The following GRID1 variants were observed in gnomAD, a reference collection of about 807,000 sequenced individuals.
GRID1 encodes glutamate receptor ionotropic, delta-1.
In GRID1, 28 loss-of-function variants were observed where a neutral mutation model predicts 98.0. That is an observed-to-expected ratio of 0.29 (90% CI 0.21 to 0.39). GRID1 has a LOEUF of 0.39. GRID1 is among the 10% of genes least tolerant of loss of function. GRID1 has a pLI of 1.00. For missense variants in GRID1, 1,111 were observed against 1,340.5 expected (o/e 0.83, Z 2.67); for synonymous variants, 553 against 538.5 (o/e 1.03, Z -0.37).
intron 5 of GRID1, among the ~76,000 whole-genome samples, chr10:85,876,824 G>A (rs1723114813): frequency 6.6e-6 from 1 of 152,244 alleles, no homozygotes; most frequent in Non-Finnish European, 1.5e-5. Flanking sequence ...ACTCGGAAGT[G>A]CAAGGGGTCA....
At chr10:85,713,816 A>G (rs1841608238) in intron 12 of GRID1, among the ~76,000 whole-genome samples, 1 of 151,926 alleles carries the variant, frequency 6.6e-6, no homozygotes, top group Non-Finnish European at 1.5e-5. Context: ...TCATGATAAA[A>G]ATTTTCAGCA....
intron 8 of GRID1, among the ~76,000 whole-genome samples, chr10:85,753,705 G>C (rs1348584191): frequency 6.6e-6 from 1 of 152,184 alleles, no homozygotes; most frequent in Admixed American, 6.5e-5. Flanking sequence ...TGTCCTGATA[G>C]GTGTAGGGCA....
intron 2 of GRID1, among the ~76,000 whole-genome samples, chr10:86,309,044 G>A (rs576730390): frequency 4.2e-4 from 64 of 152,302 alleles, no homozygotes; most frequent in African/African-American, 1.3e-3. Flanking sequence ...AGTAATTTAT[G>A]TTTGGATATA....
At chr10:86,012,429 G>GTC (rs1363480524) in intron 4 of GRID1, among the ~76,000 whole-genome samples, 2 of 152,194 alleles carry the variant, frequency 1.3e-5, no homozygotes, top group African/African-American at 2.4e-5. Context: ...CCCATGGAGA[G>GTC]AGCTGGCAGA....
At chr10:85,865,910 T>TAC (rs1202278414) in intron 6 of GRID1, among the ~76,000 whole-genome samples, 1 of 72,386 alleles carries the variant, frequency 1.4e-5, no homozygotes, top group Non-Finnish European at 2.7e-5. Flanking sequence ...TTTACATATA[T>TAC]ACATATATAT....
At chr10:85,883,659 C>T (rs144959314) in intron 5 of GRID1, among the ~76,000 whole-genome samples, 80 of 152,208 alleles carry the variant, frequency 5.3e-4, no homozygotes, top group African/African-American at 1.8e-3. Context: ...CACATTACTT[C>T]AAAAACTATT....
chr10:86,227,249 G>A (rs574828015), intron 2 of GRID1, among the ~76,000 whole-genome samples: 9 of 152,310 alleles, frequency 5.9e-5, no homozygotes, highest in African/African-American at 1.2e-4. Context: ...AACTGGGGCC[G>A]CCCCTCCCCT....
chr10:85,895,329 C>T (rs755747509), intron 5 of GRID1, among the ~76,000 whole-genome samples: 32 of 151,982 alleles, frequency 2.1e-4, no homozygotes, highest in East Asian at 3.9e-4. Flanking sequence ...ATCTTCAACA[C>T]GGATGTCAGG....
chr10:86,211,934 G>A lies in GRID1; in HGVS notation c.236-5286C>T, dbSNP rs376450483. 1.2e-4 allele frequency among the ~76,000 whole-genome samples: 18 copies of A among 152,262 alleles called. No individual in the cohort carries two copies. In the East Asian group the frequency reaches 2.5e-3, roughly 21 times the overall value. ...CTCCCGGCTCAGTGCAGGCCCCAGG[G>A]AAGGAGTAGGCAGGCAGGAACAAGG... On this transcript the variant is annotated intron_variant, in intron 2 of 15. Transcript: ENST00000327946.
chr10:85,912,310 G>A (rs541966926), intron 5 of GRID1, among the ~76,000 whole-genome samples: 3 of 152,262 alleles, frequency 2.0e-5, no homozygotes, highest in East Asian at 3.9e-4. Flanking sequence ...AAACACATCC[G>A]CTCTCCAGTG....
intron 3 of GRID1, among the ~76,000 whole-genome samples, chr10:86,147,943 A>T (rs12765270): frequency 0.11 from 16,234 of 152,120 alleles, 1,247 homozygotes; most frequent in African/African-American, 0.22. Context: ...AGCCAATCCT[A>T]AGCCCACCTA....
chr10:85,606,862 A>G (rs996038033), intron 15 of GRID1: 1 of 152,242 alleles, frequency 6.6e-6, no homozygotes, highest in Non-Finnish European at 1.5e-5. Flanking sequence ...GGGCTTTTTT[A>G]TGTGAACTAC....
Position 85,882,167 on chromosome 10 carries a change from C to T in GRID1, c.781-12987G>A, listed in dbSNP as rs560645380. On this transcript the variant is annotated intron_variant, in intron 5 of 15. Transcript: ENST00000327946. The stretch of plus-strand genomic sequence containing the variant: ...TGGAGAAATAGGAACACTTTTACAC[C>T]ATTGGTGGGACTGTAAACTAGTTCA... 3.0e-3 allele frequency among the ~76,000 whole-genome samples: 451 copies of T among 152,152 alleles called. 3 individuals are homozygous for T. The highest frequency in any genetic ancestry group is 9.3e-3 in the African/African-American group (387 of 41,518).
chr10:86,277,907 A>G (rs1393222035), intron 2 of GRID1, among the ~76,000 whole-genome samples: 2 of 152,172 alleles, frequency 1.3e-5, no homozygotes, highest in Non-Finnish European at 2.9e-5. Flanking sequence ...GTAAAATGGC[A>G]GAAGTAAGTA....
At chr10:85,655,840 G>A (rs1418072621) in intron 12 of GRID1, among the ~76,000 whole-genome samples, 3 of 152,076 alleles carry the variant, frequency 2.0e-5, no homozygotes, top group Non-Finnish European at 4.4e-5. Flanking sequence ...GTCTAACTCT[G>A]TTTGTCTCCT....
At chr10:85,793,028 A>G (rs944727009) in intron 8 of GRID1, among the ~76,000 whole-genome samples, 1 of 152,072 alleles carries the variant, frequency 6.6e-6, no homozygotes, top group Non-Finnish European at 1.5e-5. Context: ...TAGCTTTTTC[A>G]TGATACAACT....
chr10:85,924,475 A>C (rs1841748023), intron 4 of GRID1, among the ~76,000 whole-genome samples: 1 of 152,214 alleles, frequency 6.6e-6, no homozygotes, highest in Admixed American at 6.5e-5. Flanking sequence ...ATCAAATTCT[A>C]GAGCTTTTCC....
rs975870391 is a variant in GRID1 at position 86,366,645 on chromosome 10, C to G, written c.-253G>C. Among the ~76,000 whole-genome samples the G allele has an allele frequency of 2.7e-5, 4 of 148,430 alleles. No homozygotes were observed. Among genetic ancestry groups the G allele is most frequent in the African/African-American group, 9.8e-5 (4 of 41,000 alleles). On this transcript the variant is annotated 5_prime_UTR_variant, in exon 1 of 16. Coordinates refer to ENST00000327946, the MANE Select transcript of GRID1 (RefSeq NM_017551.3). This position sits in a 1 kb window ranked among gnomAD's most constrained non-coding sequence, Gnocchi z 4.1. Reference sequence around the variant, plus strand: ...GCGGTGCTGGCAGCTTGAGCCCAGGCCGGCGCGGCGGGGGCGGCCCGCGGC... The same window carrying G: ...GCGGTGCTGGCAGCTTGAGCCCAGGGCGGCGCGGCGGGGGCGGCCCGCGGC...
At chr10:86,330,493 C>T (rs1403007922) in intron 2 of GRID1, among the ~76,000 whole-genome samples, 1 of 152,200 alleles carries the variant, frequency 6.6e-6, no homozygotes, top group East Asian at 1.9e-4. Flanking sequence ...GAGCAGACCC[C>T]TGGAGACTGC....
Sources: gnomAD v4.1 joint callset for allele counts (sites outside exome capture counted in the v4.1 genomes callset) on GRCh38, gnomAD v4.1.1 for gene constraint, Gnocchi (gnomAD v3.1) non-coding constraint, MANE v1.5 for transcripts, NCBI Gene and HGNC (gene_info 2026-07-23, HGNC 2026-07-21) for gene names.